The following GCNT2 variants were observed in gnomAD, a reference collection of about 807,000 sequenced individuals.
GCNT2 encodes the protein glucosaminyl (N-acetyl) transferase 2 (I blood group).
In GCNT2, 34 loss-of-function variants were observed where a neutral mutation model predicts 34.2. The ratio of observed to expected loss-of-function variants is 1.00; its 90% CI spans 0.76 to 1.32. The LOEUF (loss-of-function observed/expected upper bound fraction) is 1.32, where lower values mean the gene tolerates loss of function less well. Among genes scored for constraint, GCNT2 ranks in the 40% most tolerant of loss-of-function variants. The probability of loss-of-function intolerance (pLI) is 0.00; values close to 1 mark genes in which losing one functional copy is unlikely to be tolerated. For missense variants in GCNT2, 584 were observed against 489.4 expected, an observed-to-expected ratio of 1.19 and a Z score of -1.82; for synonymous variants, 212 against 188.0, an observed-to-expected ratio of 1.13 and a Z score of -1.04.
chr6:10,523,016 A>C (rs1760993398), intron 1 of GCNT2, among the ~76,000 whole-genome samples: 2 of 152,232 alleles, frequency 1.3e-5, no homozygotes, highest in African/African-American at 4.8e-5. Context: ...TTTCATGTGC[A>C]AACGCAGGCG....
intron 3 of GCNT2, among the ~76,000 whole-genome samples, chr6:10,597,303 G>T (rs975413032): frequency 3.3e-5 from 5 of 151,754 alleles, no homozygotes; most frequent in African/African-American, 1.2e-4. Flanking sequence ...CTACAGGTGT[G>T]CCCTACCATG....
At chr6:10,568,367 C>T (rs1473585834) in intron 3 of GCNT2, among the ~76,000 whole-genome samples, 1 of 152,138 alleles carries the variant, frequency 6.6e-6, no homozygotes, top group African/African-American at 2.4e-5. Flanking sequence ...AGGATCCAGC[C>T]AGCACATTCC....
chr6:10,606,614 G>GAAATTTAATGGAAATTTCCATTAAAGA (rs1765322541), intron 3 of GCNT2, among the ~76,000 whole-genome samples: 1 of 115,094 alleles, frequency 8.7e-6, no homozygotes, highest in Non-Finnish European at 2.1e-5. Flanking sequence ...TTCCATTAAA[G>GAAATTTAATGGAAATTTCCATTAAAGA]AAATTTAATG....
intron 3 of GCNT2, among the ~76,000 whole-genome samples, chr6:10,592,376 A>G (rs1764688163): frequency 6.6e-6 from 1 of 152,194 alleles, no homozygotes; most frequent in Admixed American, 6.5e-5. Context: ...TCTTCAGTAA[A>G]GGGCTCTAGG....
chr6:10,587,932 C>G (rs577236651), intron 3 of GCNT2, among the ~76,000 whole-genome samples: 16 of 152,232 alleles, frequency 1.1e-4, no homozygotes, highest in Non-Finnish European at 2.2e-4. Context: ...ACCACACATA[C>G]ATACACACCT....
At chr6:10,523,399 C>T (rs1406546674) in intron 1 of GCNT2, among the ~76,000 whole-genome samples, 4 of 142,296 alleles carry the variant, frequency 2.8e-5, no homozygotes, top group Non-Finnish European at 6.0e-5. Context: ...ACACTGCAGA[C>T]GGGGCAACAA....
At chr6:10,582,121 AT>A (rs764091658) in intron 3 of GCNT2, among the ~76,000 whole-genome samples, 102 of 141,520 alleles carry the variant, frequency 7.2e-4, no homozygotes, top group Non-Finnish European at 1.0e-3. Flanking sequence ...TATAAAAAAC[AT>A]TTATAAATGC....
In GCNT2 at chr6:10,529,130, C is replaced by T; in HGVS notation, c.219C>T (p.Thr73=). Residue 73 remains threonine (T), a synonymous_variant, in exon 3 of 5, where the codon ACC becomes ACT. Coordinates refer to ENST00000495262, the MANE Select transcript of GCNT2 (RefSeq NM_145649.5). ...NALKTTLDEA[T]CYEYMVRSHY... Reference sequence around the variant, plus strand: ...TGAAAACTACCCTTGATGAAGCTACCTGCTATGAGTACATGGTTCGAAGCC... The same window carrying T: ...TGAAAACTACCCTTGATGAAGCTACTTGCTATGAGTACATGGTTCGAAGCC... 6 of 1,614,084 alleles carry T rather than the reference C, an allele frequency of 3.7e-6. 1 individual carries two copies. Among genetic ancestry groups the T allele is most frequent in the African/African-American group, 1.3e-5 (1 of 75,038 alleles).
chr6:10,541,179 C>T (rs916226206), intron 3 of GCNT2, among the ~76,000 whole-genome samples: 1 of 152,082 alleles, frequency 6.6e-6, no homozygotes, highest in Non-Finnish European at 1.5e-5. Flanking sequence ...GCCAACGCCC[C>T]CCACCAGCCC....
intron 3 of GCNT2, chr6:10,556,156 G>T: frequency 7.4e-7 from 1 of 1,352,342 alleles, no homozygotes; most frequent in Non-Finnish European, 9.5e-7. Context: ...GGGAGGCAGA[G>T]GGAGGAGGGA....
intron 3 of GCNT2, among the ~76,000 whole-genome samples, chr6:10,546,119 T>G (rs978462657): frequency 6.6e-6 from 1 of 152,192 alleles, no homozygotes; most frequent in East Asian, 1.9e-4. Context: ...CATGCTGACT[T>G]GCTGGGAATG....
intron 3 of GCNT2, among the ~76,000 whole-genome samples, chr6:10,570,189 C>T (rs1561807746): frequency 1.3e-5 from 2 of 152,204 alleles, no homozygotes; most frequent in Admixed American, 6.5e-5. Flanking sequence ...CCTGTCTCAG[C>T]CTCCCAAAGT....
chr6:10,592,419 CAG>C (rs1764690279), intron 3 of GCNT2, among the ~76,000 whole-genome samples: 2 of 152,134 alleles, frequency 1.3e-5, no homozygotes, highest in African/African-American at 2.4e-5. Flanking sequence ...GGTAGGATCA[CAG>C]GGGAAGATTT....
intron 1 of GCNT2, chr6:10,521,666 T>C (rs1055621141): frequency 2.0e-5 from 3 of 151,932 alleles, no homozygotes; most frequent in East Asian, 3.8e-4. Flanking sequence ...TTTTTTTTTT[T>C]CAAAGAATAG....
chr6:10,616,102 G>T lies in GCNT2; in HGVS notation c.926-5249G>T, dbSNP rs76427787. ...CTGGAGTTTGTTCCCTCTAATGTTT[G>T]GATGTGTTCAGAGTTTTTTCCTTCT... On this transcript the variant is annotated intron_variant, in intron 3 of 4. Transcript: ENST00000495262. Among the ~76,000 whole-genome samples, 550 of 152,296 alleles carry T rather than the reference G, an allele frequency of 3.6e-3. 3 individuals carry two copies. The highest frequency in any genetic ancestry group is 6.8e-3 in the Non-Finnish European group (462 of 68,034).
chr6:10,552,530 G>A (rs1225164942), intron 3 of GCNT2, among the ~76,000 whole-genome samples: 1 of 151,752 alleles, frequency 6.6e-6, no homozygotes, highest in African/African-American at 2.4e-5. Flanking sequence ...AAGGAATACA[G>A]CATAACAACT....
At chr6:10,582,518 A>T (rs1253881259) in intron 3 of GCNT2, among the ~76,000 whole-genome samples, 1 of 127,980 alleles carries the variant, frequency 7.8e-6, no homozygotes, top group Non-Finnish European at 1.5e-5. Context: ...ATCATATATT[A>T]TATTATACAT....
chr6:10,571,426 A>G (rs905189684), intron 3 of GCNT2, among the ~76,000 whole-genome samples: 1 of 152,134 alleles, frequency 6.6e-6, no homozygotes, highest in African/African-American at 2.4e-5. Flanking sequence ...ATCTCAGCTC[A>G]CTGCAACCTC....
chr6:10,533,800 CAAAAAAAAA>C lies in GCNT2; in HGVS notation c.925+3982_925+3990del, dbSNP rs869274003. Among the ~76,000 whole-genome samples, 5 of 43,374 alleles carry C rather than the reference CAAAAAAAAA, an allele frequency of 1.2e-4. 1 individual carries two copies. The highest frequency in any genetic ancestry group is 2.0e-4 in the Non-Finnish European group (5 of 24,876). 28.5% of individuals were successfully genotyped at this position (43,374 alleles called of 152,430 possible). A position where few individuals can be genotyped will look rare whatever the true frequency, so the allele number is the denominator to read the frequency against. ...TGGGTGACAGAGCAAGACTCTGTCTCAAAAAAAAAAAAAAAAAAAAAAAAAAGAATGTAT... is the reference window on the plus strand; with the variant it reads ...TGGGTGACAGAGCAAGACTCTGTCTCAAAAAAAAAAAAAAAAAGAATGTAT... On this transcript the variant is annotated intron_variant, in intron 3 of 4. Transcript: ENST00000495262.
Sources: allele counts gnomAD v4.1 joint callset (sites outside exome capture counted in the v4.1 genomes callset), GRCh38; gene constraint gnomAD v4.1.1; transcripts MANE v1.5; gene names NCBI Gene and HGNC (gene_info 2026-07-23, HGNC 2026-07-21).